KLF8: variants seen among roughly 807,000 people sequenced by gnomAD.
KLF8 encodes the protein KLF transcription factor 8.
Under a neutral mutation model 18.2 loss-of-function variants are expected in KLF8, and 10 were observed. The observed-to-expected ratio is 0.55, with a 90% confidence interval of 0.34 to 0.93. KLF8 has a LOEUF of 0.93. KLF8 is among the 40% of genes least tolerant of loss of function. The probability of loss-of-function intolerance (pLI) is 0.02; values close to 1 mark genes in which losing one functional copy is unlikely to be tolerated. For synonymous variants in KLF8, 109 were observed against 97.3 expected (o/e 1.12, Z -0.71); for missense variants, 264 against 277.9 (o/e 0.95, Z 0.36).
the KLF8 span, among the ~76,000 whole-genome samples, chrX:55,982,613 G>T: frequency 8.9e-6 from 1 of 111,765 alleles, no homozygotes; most frequent in Non-Finnish European, 1.9e-5. Context: ...TCTGGGGTTG[G>T]TCTACTAGAG....
chrX:56,109,695 A>G, the KLF8 span, among the ~76,000 whole-genome samples: 1 of 111,961 alleles, frequency 8.9e-6, no homozygotes, highest in Non-Finnish European at 1.9e-5. Flanking sequence ...TAATTATTAT[A>G]CATTCTTGTT....
the KLF8 span, among the ~76,000 whole-genome samples, chrX:56,196,977 A>G: frequency 8.9e-6 from 1 of 112,017 alleles, no homozygotes; most frequent in South Asian, 3.7e-4. Context: ...AAACAGAACA[A>G]CCTGCTCCTG....
At chrX:56,103,950 T>C in the KLF8 span, among the ~76,000 whole-genome samples, 138 of 111,740 alleles carry the variant, frequency 1.2e-3, 1 homozygote, top group African/African-American at 4.3e-3. Context: ...AAAGGCCTTT[T>C]CTGCATCTAT....
chrX:56,147,208 G>T, the KLF8 span, among the ~76,000 whole-genome samples: 1 of 112,302 alleles, frequency 8.9e-6, no homozygotes, highest in Non-Finnish European at 1.9e-5. Context: ...TGAAGAGAAG[G>T]AGCCTAAGGC....
At chrX:56,267,847 G>A (rs1288392892) in intron 3 of KLF8, 1 of 111,029 alleles carries the variant, frequency 9.0e-6, no homozygotes, top group Admixed American at 9.6e-5. Flanking sequence ...TAAATAAAAT[G>A]TATCATCATT....
the KLF8 span, among the ~76,000 whole-genome samples, chrX:56,207,151 T>C: frequency 2.7e-5 from 3 of 112,407 alleles, no homozygotes; most frequent in South Asian, 1.1e-3. Flanking sequence ...TTTTTTTCCT[T>C]TTAGGCCTCC....
chrX:56,256,154 T>C (rs1419572839), intron 2 of KLF8, among the ~76,000 whole-genome samples: 3 of 111,797 alleles, frequency 2.7e-5, no homozygotes, highest in Non-Finnish European at 5.6e-5. Context: ...TCTAGATTTT[T>C]CAATTCATTG....
the KLF8 span, among the ~76,000 whole-genome samples, chrX:56,061,113 C>T: frequency 9.0e-6 from 1 of 111,578 alleles, no homozygotes; most frequent in Non-Finnish European, 1.9e-5. Flanking sequence ...TTCAAAAAAC[C>T]AGCTCCTGGA....
chrX:55,994,780 G>C, the KLF8 span, among the ~76,000 whole-genome samples: 1 of 111,926 alleles, frequency 8.9e-6, no homozygotes, highest in East Asian at 2.8e-4. Context: ...TGGTCTGAGA[G>C]TGTAGTTGGT....
the KLF8 span, among the ~76,000 whole-genome samples, chrX:56,083,610 A>G: frequency 8.9e-6 from 1 of 111,961 alleles, no homozygotes; most frequent in Non-Finnish European, 1.9e-5. Context: ...TCTGGGCTAG[A>G]TGATCTATAG....
chrX:56,057,380 G>A, the KLF8 span, among the ~76,000 whole-genome samples: 1 of 111,375 alleles, frequency 9.0e-6, no homozygotes, highest in Non-Finnish European at 1.9e-5. Flanking sequence ...CAGTGGAAGG[G>A]CAGGGTGCAT....
At chrX:56,230,291 A>G (rs2066390955), upstream of KLF8, among the ~76,000 whole-genome samples, 1 of 111,721 alleles carries the variant, frequency 9.0e-6, no homozygotes, top group African/African-American at 3.2e-5. Context: ...CACACACTTG[A>G]ATCTAAGAGA....
the KLF8 span, among the ~76,000 whole-genome samples, chrX:56,152,475 G>A: frequency 2.7e-5 from 3 of 111,498 alleles, no homozygotes; most frequent in East Asian, 2.8e-4. Flanking sequence ...TACCTGGGCA[G>A]TATCGGTCCC....
the KLF8 span, among the ~76,000 whole-genome samples, chrX:56,051,978 T>C: frequency 9.0e-6 from 1 of 110,749 alleles, no homozygotes; most frequent in Non-Finnish European, 1.9e-5. Flanking sequence ...ATTTTTATTC[T>C]TTTTTCTCTA....
At chrX:56,079,887 C>A in the KLF8 span, among the ~76,000 whole-genome samples, 2 of 111,395 alleles carry the variant, frequency 1.8e-5, no homozygotes, top group Admixed American at 1.9e-4. Context: ...GAATTGATCT[C>A]TTTACCATTA....
At chrX:56,061,441 C>A in the KLF8 span, among the ~76,000 whole-genome samples, 1 of 111,635 alleles carries the variant, frequency 9.0e-6, no homozygotes, top group Admixed American at 9.5e-5. Flanking sequence ...CATTCAGGAG[C>A]AGGTTGTTCA....
At chrX:56,135,988 C>G in the KLF8 span, among the ~76,000 whole-genome samples, 10 of 111,481 alleles carry the variant, frequency 9.0e-5, no homozygotes, top group African/African-American at 3.3e-4. Flanking sequence ...CATGAGTGAA[C>G]TCCCATTCAC....
the KLF8 span, among the ~76,000 whole-genome samples, chrX:56,014,306 A>G: frequency 8.9e-6 from 1 of 112,329 alleles, no homozygotes; most frequent in Non-Finnish European, 1.9e-5. Context: ...CCTGTTAAAA[A>G]GTGGGCAAAG....
At chrX:56,120,980 ATT>A in the KLF8 span, among the ~76,000 whole-genome samples, 1 of 110,460 alleles carries the variant, frequency 9.1e-6, no homozygotes, top group African/African-American at 3.3e-5. Flanking sequence ...AGGTCAGGAG[ATT>A]GAGACCATCC....
Sources: gnomAD v4.1 joint callset for allele counts (sites outside exome capture counted in the v4.1 genomes callset) on GRCh38, gnomAD v4.1.1 for gene constraint, MANE v1.5 for transcripts, NCBI Gene and HGNC (gene_info 2026-07-23, HGNC 2026-07-21) for gene names.